SVOPL: variants seen among roughly 807,000 people sequenced by gnomAD.
SVOPL encodes the protein SVOP like.
In SVOPL, 60 loss-of-function variants were observed where a neutral mutation model predicts 61.0. That is an observed-to-expected ratio of 0.98 (90% confidence interval 0.80 to 1.22). The LOEUF is 1.22. Ranked by LOEUF, SVOPL falls within the 50% of genes most tolerant of loss-of-function variation. The pLI is 0.00. For missense variants in SVOPL, 662 were observed against 643.9 expected, an observed-to-expected ratio of 1.03 and a Z score of -0.30; for synonymous variants, 279 against 250.0, an observed-to-expected ratio of 1.12 and a Z score of -1.09.
At chr7:138,680,225 A>G (rs145147094) in intron 1 of SVOPL, among the ~76,000 whole-genome samples, 3,970 of 144,408 alleles carry the variant, frequency 0.027, 75 homozygotes, top group Non-Finnish European at 0.037. Context: ...ACTGGAGTGC[A>G]GTGGCACGAT....
intron 4 of SVOPL, among the ~76,000 whole-genome samples, chr7:138,666,453 T>G (rs943929736): frequency 4.6e-5 from 7 of 152,214 alleles, no homozygotes; most frequent in African/African-American, 1.7e-4. Flanking sequence ...AGACACCCCT[T>G]TAGCAACTAA....
intron 1 of SVOPL, among the ~76,000 whole-genome samples, chr7:138,695,521 A>G (rs1424621184): frequency 6.6e-6 from 1 of 152,154 alleles, no homozygotes; most frequent in African/African-American, 2.4e-5. Context: ...AAAAAGAAAA[A>G]AGGCAAATAT....
intron 14 of SVOPL, among the ~76,000 whole-genome samples, chr7:138,615,115 C>T (rs1290095630): frequency 1.3e-5 from 2 of 152,066 alleles, no homozygotes; most frequent in Non-Finnish European, 2.9e-5. Context: ...CCAAGGAATG[C>T]CTGGTGTTAT....
chr7:138,653,673 A>T (rs1801546284), intron 7 of SVOPL, among the ~76,000 whole-genome samples: 2 of 152,072 alleles, frequency 1.3e-5, no homozygotes, highest in Non-Finnish European at 2.9e-5. Flanking sequence ...ATGGCGGCTC[A>T]GCCTGTAATC....
At chr7:138,683,350 C>CA (rs1362542220) in intron 1 of SVOPL, among the ~76,000 whole-genome samples, 3 of 151,930 alleles carry the variant, frequency 2.0e-5, no homozygotes, top group South Asian at 2.1e-4. Flanking sequence ...ATAAATAATT[C>CA]AAAAAAATGA....
intron 1 of SVOPL, among the ~76,000 whole-genome samples, chr7:138,690,774 TTC>T (rs1802922823): frequency 1.3e-5 from 2 of 151,724 alleles, no homozygotes; most frequent in African/African-American, 2.4e-5. Context: ...CTTTCTTTCT[TTC>T]TTTCTTTTTT....
chr7:138,623,228 C>G (rs1799746690), intron 13 of SVOPL, among the ~76,000 whole-genome samples: 1 of 152,058 alleles, frequency 6.6e-6, no homozygotes, highest in Non-Finnish European at 1.5e-5. Context: ...TCTTTTTTCA[C>G]ATTGTGAGTC....
intron 3 of SVOPL, among the ~76,000 whole-genome samples, chr7:138,674,038 A>G (rs750746040): frequency 6.6e-5 from 10 of 151,940 alleles, no homozygotes; most frequent in Non-Finnish European, 1.3e-4. Context: ...TACAAAATAA[A>G]TTAGCTGGGC....
chr7:138,614,364 G>A (rs1799188061), intron 14 of SVOPL, among the ~76,000 whole-genome samples: 1 of 150,164 alleles, frequency 6.7e-6, no homozygotes, highest in African/African-American at 2.4e-5. Context: ...TACAAGGCTA[G>A]TTCCGCTGAA....
intron 14 of SVOPL, chr7:138,596,859 AT>A: frequency 9.1e-7 from 1 of 1,096,148 alleles, no homozygotes; most frequent in Non-Finnish European, 1.1e-6. Flanking sequence ...TTCTCATACC[AT>A]TTCAGCTTGC....
intron 2 of SVOPL, 137 bp downstream of exon 2, chr7:138,678,827 C>G: frequency 1.1e-6 from 1 of 906,856 alleles, no homozygotes. Context: ...GCCTCGGCCT[C>G]CCAAAGTGAT....
chr7:138,656,308 G>T (rs1467222628), intron 7 of SVOPL, 140 bp downstream of exon 7: 72 of 824,830 alleles, frequency 8.7e-5, no homozygotes, highest in Middle Eastern at 5.7e-4. Flanking sequence ...AACCAAAAAG[G>T]TTGTGTGACT....
rs113690619 is a variant in SVOPL, at chr7:138,620,907, A to G, written c.1353+139T>C. On this transcript the variant is annotated intron_variant, in intron 14 of 15. Transcript: ENST00000674285. ...CCTCTCTCTCTACCTAAATCCACCA[A>G]ACAGCAGGGAAACGGCACCTCCAGA... 1,823 of 782,196 alleles carry G rather than the reference A, an allele frequency of 2.3e-3. 24 individuals are homozygous for G. The African/African-American group carries it at 0.028, about 12-fold the overall frequency. The allele number at this position is 782,196 out of a possible 1,614,324, so 48.5% of individuals were successfully genotyped here. A position where few individuals can be genotyped will look rare whatever the true frequency, so the allele number is the denominator to read the frequency against.
At chr7:138,596,724 C>T (rs1798297441) in intron 14 of SVOPL, 194 bp from the exon 15 acceptor site, 1 of 1,295,088 alleles carries the variant, frequency 7.7e-7, no homozygotes, top group East Asian at 3.4e-5. Flanking sequence ...AGTCCAAGAA[C>T]AGGAACTGGT....
chr7:138,655,452 C>A (rs1801677218), intron 7 of SVOPL, among the ~76,000 whole-genome samples: 1 of 151,952 alleles, frequency 6.6e-6, no homozygotes, highest in Non-Finnish European at 1.5e-5. Context: ...TTGTAGTGAG[C>A]CAAGATGGCG....
rs548817610 is a variant in SVOPL, at chr7:138,631,979, C to T, written c.790-1857G>A. Among the ~76,000 whole-genome samples the T allele has an allele frequency of 3.3e-5, 5 of 151,976 alleles. No homozygotes were observed. In the East Asian group the frequency reaches 9.7e-4, roughly 29 times the overall value. ...CTGATATCACACACACACACACACA[C>T]ACACATACACACACCCCTACACCCC... On this transcript the variant is annotated intron_variant, in intron 9 of 15. Coordinates refer to ENST00000674285, the MANE Select transcript of SVOPL (RefSeq NM_001139456.2).
intron 7 of SVOPL, 106 bp downstream of exon 7, chr7:138,656,342 A>C: frequency 8.8e-7 from 1 of 1,132,160 alleles, no homozygotes; most frequent in Non-Finnish European, 1.3e-6. Context: ...TACTCGCTTA[A>C]TTGCAGCGAG....
chr7:138,621,814 G>GTATC (rs372400348), intron 13 of SVOPL, among the ~76,000 whole-genome samples: 22,967 of 42,992 alleles, frequency 0.53, 5,336 homozygotes, highest in Non-Finnish European at 0.56. Flanking sequence ...ATCTATCTAT[G>GTATC]TATCTATGTA....
At chr7:138,618,576 G>C (rs969031084) in intron 14 of SVOPL, among the ~76,000 whole-genome samples, 4 of 152,122 alleles carry the variant, frequency 2.6e-5, no homozygotes, top group African/African-American at 7.2e-5. Context: ...CAGGAGAATT[G>C]CTTGAACCCA....
Sources: gnomAD v4.1 joint callset for allele counts (sites outside exome capture counted in the v4.1 genomes callset) on GRCh38, gnomAD v4.1.1 for gene constraint, MANE v1.5 for transcripts, NCBI Gene and HGNC (gene_info 2026-07-23, HGNC 2026-07-21) for gene names.